Variants in LHPP observed in about 807,000 individuals in gnomAD.
LHPP encodes hLHPP.
A neutral mutation model predicts 30.3 loss-of-function variants in LHPP; 24 were observed. The ratio of observed to expected loss-of-function variants is 0.79; its 90% CI spans 0.57 to 1.11. LHPP has a LOEUF of 1.11. Among genes scored for constraint, LHPP ranks in the 50% most tolerant of loss-of-function variants. The probability of loss-of-function intolerance (pLI) is 0.00; values close to 1 mark genes in which losing one functional copy is unlikely to be tolerated. For synonymous variants in LHPP, 150 were observed against 157.1 expected (o/e 0.95, Z 0.34); for missense variants, 356 against 367.2 (o/e 0.97, Z 0.25).
At chr10:124,475,827 C>T (rs921597081) in intron 1 of LHPP, among the ~76,000 whole-genome samples, 1 of 152,184 alleles carries the variant, frequency 6.6e-6, no homozygotes, top group Non-Finnish European at 1.5e-5. Flanking sequence ...AGGATCCCCA[C>T]CCCTCACCCC....
At chr10:124,604,986 G>A (rs369513608) in intron 6 of LHPP, among the ~76,000 whole-genome samples, 7 of 152,358 alleles carry the variant, frequency 4.6e-5, no homozygotes, top group East Asian at 3.9e-4. Flanking sequence ...GGGAGAGGCC[G>A]CACCCGTCTC....
chr10:124,493,653 A>G (rs1717392832), intron 3 of LHPP: 1 of 152,166 alleles, frequency 6.6e-6, no homozygotes, highest in African/African-American at 2.4e-5. Context: ...ATAATCTGAA[A>G]CGGCAGAAGA....
At chr10:124,539,735 C>CAAA (rs34308960) in intron 6 of LHPP, among the ~76,000 whole-genome samples, 43,063 of 120,666 alleles carry the variant, frequency 0.36, 8,938 homozygotes, top group African/African-American at 0.53. Flanking sequence ...AACCCTGTCT[C>CAAA]AAAAAAAAAA....
chr10:124,483,872 C>T lies in LHPP; in HGVS notation c.126-267C>T, dbSNP rs544148858. On this transcript the variant is annotated intron_variant, in intron 1 of 6. Transcript: ENST00000368842. ...AAAAGGGGGGTCAGGTGGGGAACCT[C>T]GGGGAGCCTCAGGTGTATGAAGTCC... 2.1e-4 allele frequency among the ~76,000 whole-genome samples: 31 copies of T among 150,586 alleles called. No homozygotes were observed. In the South Asian group the frequency reaches 4.7e-3, roughly 23 times the overall value.
chr10:124,534,411 C>T (rs1564815515), intron 6 of LHPP, among the ~76,000 whole-genome samples: 3 of 152,234 alleles, frequency 2.0e-5, no homozygotes, highest in South Asian at 2.1e-4. Context: ...AGCACCGGCA[C>T]GTCGGAGGCC....
chr10:124,524,213 T>C (rs1403710900), intron 6 of LHPP, among the ~76,000 whole-genome samples: 1 of 152,040 alleles, frequency 6.6e-6, no homozygotes, highest in African/African-American at 2.4e-5. Context: ...ACCCCCCACA[T>C]TCCACCCAGC....
chr10:124,465,308 C>A (rs1019209671), intron 1 of LHPP, among the ~76,000 whole-genome samples: 1 of 152,066 alleles, frequency 6.6e-6, no homozygotes, highest in Non-Finnish European at 1.5e-5. Flanking sequence ...CAGGCAGGAA[C>A]TTGAGGGGCA....
intron 6 of LHPP, among the ~76,000 whole-genome samples, chr10:124,551,657 G>A (rs1417243046): frequency 6.6e-6 from 1 of 152,202 alleles, no homozygotes; most frequent in Non-Finnish European, 1.5e-5. Context: ...GATGGGGAGA[G>A]GCCTCAGCCA....
chr10:124,528,802 G>A (rs1564811678), intron 6 of LHPP, among the ~76,000 whole-genome samples: 1 of 152,068 alleles, frequency 6.6e-6, no homozygotes, highest in Non-Finnish European at 1.5e-5. Flanking sequence ...GGGGGATCGA[G>A]TGAATGTGGC....
At chr10:124,512,432 C>T (rs541769794) in intron 5 of LHPP, among the ~76,000 whole-genome samples, 4 of 151,986 alleles carry the variant, frequency 2.6e-5, no homozygotes, top group East Asian at 1.9e-4. Context: ...TTGGTTAACA[C>T]GGTGAAACCC....
At chr10:124,507,159 GA>G (rs1404339251) in intron 5 of LHPP, among the ~76,000 whole-genome samples, 8 of 92,078 alleles carry the variant, frequency 8.7e-5, no homozygotes, top group African/African-American at 2.8e-4. Flanking sequence ...TTTCAGGTGG[GA>G]GGGTAGGCAG....
At chr10:124,466,457 G>A (rs1186414193) in intron 1 of LHPP, among the ~76,000 whole-genome samples, 1 of 152,050 alleles carries the variant, frequency 6.6e-6, no homozygotes, top group African/African-American at 2.4e-5. Context: ...GTATACCAAC[G>A]TTTTTGTTTT....
rs1362694013 is a variant in LHPP at position 124,497,332 on chromosome 10, T to G, written c.531+308T>G. ...AGCCCCCCCTGCCCGCCGTGGACCC[T>G]GCCGCTCTCCCAGCTGCTCTCTGCC... On this transcript the variant is annotated intron_variant, in intron 4 of 6. Coordinates refer to ENST00000368842, the MANE Select transcript of LHPP (RefSeq NM_022126.4). Among the ~76,000 whole-genome samples, 2 of 135,932 alleles carry G rather than the reference T, an allele frequency of 1.5e-5. 1 individual carries two copies. Among genetic ancestry groups the G allele is most frequent in the Middle Eastern group, 7.8e-3 (2 of 256 alleles). The allele number at this position is 135,932 out of a possible 152,430, so 89.2% of individuals were successfully genotyped here.
intron 3 of LHPP, among the ~76,000 whole-genome samples, chr10:124,495,974 T>C (rs1049493278): frequency 6.6e-6 from 1 of 152,220 alleles, no homozygotes; most frequent in Non-Finnish European, 1.5e-5. Context: ...ATCTGAATGC[T>C]CAAGTCAGCA....
At position 124,496,939 on chromosome 10, in the gene LHPP, G is replaced by A. The variant is rs764431475; in HGVS notation, c.468-22G>A. Reference sequence around the variant, plus strand: ...CAGCTCCCCGTGCTCAGCATCCCGTGCTCCGTTCTGCTCTCTCCTAGGCGT... The same window carrying A: ...CAGCTCCCCGTGCTCAGCATCCCGTACTCCGTTCTGCTCTCTCCTAGGCGT... On this transcript the variant is annotated intron_variant, in intron 3 of 6. Transcript: ENST00000368842. The surrounding 1 kb of genome is among the most constrained non-coding windows in gnomAD (Gnocchi z 4.3). 1 of 1,608,700 alleles carries A rather than the reference G, an allele frequency of 6.2e-7. No individual in the cohort carries two copies. The highest frequency in any genetic ancestry group is 1.3e-5 in the African/African-American group (1 of 74,676).
At chr10:124,569,102 C>T (rs780256373) in intron 6 of LHPP, among the ~76,000 whole-genome samples, 1 of 152,198 alleles carries the variant, frequency 6.6e-6, no homozygotes, top group Non-Finnish European at 1.5e-5. Flanking sequence ...TCTTGTCCCC[C>T]TCCACATGCA....
At position 124,517,714 on chromosome 10, in the gene LHPP, G is replaced by T. The variant is rs921683468; in HGVS notation, c.716+443G>T. ...TGTAAGACACAGAGAGCCTGGAGAC[G>T]ACAGAGGGTTGCTCAGGCATGCCCT... On this transcript the variant is annotated intron_variant, in intron 6 of 6. Transcript: ENST00000368842. The surrounding 1 kb of genome is among the most constrained non-coding windows in gnomAD (Gnocchi z 4.1). Among the ~76,000 whole-genome samples the T allele has an allele frequency of 6.6e-6, 1 of 152,184 alleles. No individual in the cohort carries two copies. The highest frequency in any genetic ancestry group is 2.1e-4 in the South Asian group (1 of 4,834).
At chr10:124,548,107 C>T (rs187133250) in intron 6 of LHPP, among the ~76,000 whole-genome samples, 328 of 152,338 alleles carry the variant, frequency 2.2e-3, no homozygotes, top group African/African-American at 7.6e-3. Flanking sequence ...TTTCAAGCCA[C>T]AAGATCACCC....
intron 6 of LHPP, among the ~76,000 whole-genome samples, chr10:124,551,586 T>C (rs1948167914): frequency 6.6e-6 from 1 of 151,722 alleles, no homozygotes; most frequent in Non-Finnish European, 1.5e-5. Flanking sequence ...TCAGCAGGGG[T>C]CCCAGAGTGG....
Sources: allele counts gnomAD v4.1 joint callset (sites outside exome capture counted in the v4.1 genomes callset), GRCh38; gene constraint gnomAD v4.1.1; non-coding constraint Gnocchi (gnomAD v3.1); transcripts MANE v1.5; gene names NCBI Gene and HGNC (gene_info 2026-07-23, HGNC 2026-07-21).